The following BPIFC variants were observed in gnomAD, a reference collection of about 807,000 sequenced individuals.
The protein encoded by BPIFC is BPI fold containing family C.
BPIFC carries 60 observed loss-of-function variants against 57.6 expected under a neutral mutation model. The ratio of observed to expected loss-of-function variants is 1.04; its 90% confidence interval spans 0.85 to 1.29. BPIFC has a LOEUF of 1.29. Ranked by LOEUF, BPIFC falls within the 50% of genes most tolerant of loss-of-function variation. BPIFC has a pLI of 0.00. For missense variants in BPIFC, 581 were observed against 600.5 expected, an observed-to-expected ratio of 0.97 and a Z score of 0.34; for synonymous variants, 243 against 224.5, an observed-to-expected ratio of 1.08 and a Z score of -0.74.
chr22:32,445,120 G>GA (rs1439591781), intron 7 of BPIFC, among the ~76,000 whole-genome samples: 5 of 152,168 alleles, frequency 3.3e-5, no homozygotes, highest in Admixed American at 1.3e-4. Flanking sequence ...CACAATATTT[G>GA]GCACATAGTA....
intron 10 of BPIFC, 123 bp downstream of exon 10, chr22:32,435,581 G>T (rs1934366236): frequency 2.1e-6 from 2 of 946,132 alleles, no homozygotes; most frequent in African/African-American, 1.7e-5. Context: ...TCACTGTCTT[G>T]CTGGGAGTGA....
chr22:32,457,780 T>C (rs756308828), intron 2 of BPIFC, among the ~76,000 whole-genome samples: 4 of 152,138 alleles, frequency 2.6e-5, no homozygotes, highest in African/African-American at 4.8e-5. Context: ...TGTGAAAACT[T>C]CCCTCACCAA....
chr22:32,461,632 T>C lies in BPIFC; in HGVS notation c.-59A>G. On this transcript the variant is annotated 5_prime_UTR_variant, in exon 2 of 17. Transcript: ENST00000300399. The stretch of plus-strand genomic sequence containing the variant: ...CTGTGCTGGGCCTTTCTTGATCCTT[T>C]AGTTGCCCTTGGAGGTTAGTCAAGG... 1 of 985,594 alleles carries C rather than the reference T, an allele frequency of 1.0e-6. No individual in the cohort carries two copies. The highest frequency in any genetic ancestry group is 1.7e-5 in the African/African-American group (1 of 57,350). The allele number at this position is 985,594 out of a possible 1,614,324, so 61.1% of individuals were successfully genotyped here. A position where few individuals can be genotyped will look rare whatever the true frequency, so the allele number is the denominator to read the frequency against.
chr22:32,452,681 T>C lies in BPIFC; in HGVS notation c.245+702A>G, dbSNP rs16990504. Among the ~76,000 whole-genome samples, 3,630 of 151,914 alleles carry C rather than the reference T, an allele frequency of 0.024. 205 individuals are homozygous for C. The East Asian group carries it at 0.25, about 10-fold the overall frequency. Reference sequence around the variant, plus strand: ...AAAAACAAAAAACCTCTTGGTTTTATAGAATATTATCATTGACAGCAGGGG... The same window carrying C: ...AAAAACAAAAAACCTCTTGGTTTTACAGAATATTATCATTGACAGCAGGGG... On this transcript the variant is annotated intron_variant, in intron 4 of 16. Transcript: ENST00000300399.
At chr22:32,421,222 A>T (rs775724016) in intron 13 of BPIFC, among the ~76,000 whole-genome samples, 3 of 152,232 alleles carry the variant, frequency 2.0e-5, no homozygotes, top group Non-Finnish European at 2.9e-5. Flanking sequence ...ATCCATAAGT[A>T]GTCCTCCCAA....
intron 2 of BPIFC, among the ~76,000 whole-genome samples, chr22:32,458,151 C>T (rs538771359): frequency 2.0e-5 from 3 of 152,272 alleles, no homozygotes; most frequent in Admixed American, 2.0e-4. Flanking sequence ...GTGTAGAGGG[C>T]CTTGTAGCTG....
chr22:32,449,090 G>T (rs937288759), intron 4 of BPIFC, among the ~76,000 whole-genome samples: 11 of 152,248 alleles, frequency 7.2e-5, no homozygotes, highest in African/African-American at 2.4e-4. Flanking sequence ...TCAAAGATAA[G>T]AAGATAAAAA....
chr22:32,449,436 A>C (rs923996598), intron 4 of BPIFC, among the ~76,000 whole-genome samples: 1 of 152,234 alleles, frequency 6.6e-6, no homozygotes, highest in Admixed American at 6.5e-5. Context: ...ATTTGCTAAT[A>C]ATATTTCCTC....
intron 13 of BPIFC, among the ~76,000 whole-genome samples, chr22:32,424,887 T>G (rs976334094): frequency 4.6e-5 from 7 of 151,152 alleles, no homozygotes; most frequent in African/African-American, 1.5e-4. Flanking sequence ...ATTCAAGCGA[T>G]TCTCCTGCCT....
intron 4 of BPIFC, among the ~76,000 whole-genome samples, chr22:32,451,007 A>C (rs1163938524): frequency 6.6e-6 from 1 of 152,234 alleles, no homozygotes; most frequent in Non-Finnish European, 1.5e-5. Context: ...ATTAAAATTA[A>C]TGAAAATCAA....
At chr22:32,455,508 CTT>C (rs1935015043) in intron 3 of BPIFC, among the ~76,000 whole-genome samples, 2 of 152,190 alleles carry the variant, frequency 1.3e-5, no homozygotes, top group Non-Finnish European at 2.9e-5. Context: ...TCTCTCCTCT[CTT>C]CTTGGATCCT....
intron 8 of BPIFC, among the ~76,000 whole-genome samples, chr22:32,438,960 T>G (rs1236903943): frequency 6.6e-6 from 1 of 152,070 alleles, no homozygotes; most frequent in Non-Finnish European, 1.5e-5. Context: ...CCAAATAATT[T>G]TATGTATTAT....
intron 13 of BPIFC, among the ~76,000 whole-genome samples, chr22:32,420,492 GT>G (rs1187694177): frequency 6.6e-6 from 1 of 152,042 alleles, no homozygotes; most frequent in East Asian, 1.9e-4. Flanking sequence ...CTGTTCAATC[GT>G]TGCAGATAAG....
At chr22:32,460,261 T>C (rs1935134342) in intron 2 of BPIFC, among the ~76,000 whole-genome samples, 1 of 152,140 alleles carries the variant, frequency 6.6e-6, no homozygotes, top group Non-Finnish European at 1.5e-5. Flanking sequence ...GTGGAGCCAG[T>C]GGAAAGCATT....
At chr22:32,445,403 G>T (rs1934691649) in intron 7 of BPIFC, among the ~76,000 whole-genome samples, 1 of 152,110 alleles carries the variant, frequency 6.6e-6, no homozygotes, top group Admixed American at 6.6e-5. Context: ...CGGGCATGGT[G>T]GCGGGCACCT....
intron 2 of BPIFC, among the ~76,000 whole-genome samples, chr22:32,458,739 T>C (rs980556958): frequency 3.3e-5 from 5 of 152,210 alleles, no homozygotes; most frequent in African/African-American, 1.2e-4. Flanking sequence ...GTATACACCA[T>C]CCCGTATTGT....
chr22:32,428,898 C>CA (rs67722475), intron 13 of BPIFC, among the ~76,000 whole-genome samples: 14,967 of 148,012 alleles, frequency 0.1, 1,186 homozygotes, highest in African/African-American at 0.21. Flanking sequence ...CACTCCATCT[C>CA]AAAAAAAAAC....
chr22:32,462,695 C>G (rs1433464458), intron 1 of BPIFC, among the ~76,000 whole-genome samples: 1 of 152,122 alleles, frequency 6.6e-6, no homozygotes, highest in Non-Finnish European at 1.5e-5. Context: ...GGGAACCCAA[C>G]CTTGTTCTTC....
Position 32,437,023 on chromosome 22 carries a change from C to T in BPIFC, c.747+737G>A, listed in dbSNP as rs532125107. Among the ~76,000 whole-genome samples the T allele has an allele frequency of 1.2e-4, 19 of 152,324 alleles. No individual in the cohort carries two copies. In the South Asian group the frequency reaches 2.1e-3, roughly 17 times the overall value. On this transcript the variant is annotated intron_variant, in intron 9 of 16. Coordinates refer to ENST00000300399, the MANE Select transcript of BPIFC (RefSeq NM_174932.3). ...CCATGATCAGTGAACACTAATGCCA[C>T]GTGCTTATGGCCCTGACAGAGGTCA... is the stretch of plus-strand genomic sequence containing the variant.
Sources: gnomAD v4.1 joint callset for allele counts (sites outside exome capture counted in the v4.1 genomes callset) on GRCh38, gnomAD v4.1.1 for gene constraint, MANE v1.5 for transcripts, NCBI Gene and HGNC (gene_info 2026-07-23, HGNC 2026-07-21) for gene names.